Variants in FAIM observed in about 807,000 individuals in gnomAD.
FAIM encodes Fas apoptotic inhibitory molecule, also known as fas apoptotic inhibitory molecule 1.
FAIM carries 14 observed loss-of-function variants against 21.2 expected under a neutral mutation model. The observed-to-expected ratio is 0.66, with a 90% CI of 0.44 to 1.03. The LOEUF (loss-of-function observed/expected upper bound fraction) is 1.03, where lower values mean the gene tolerates loss of function less well. FAIM is among the 50% of genes least tolerant of loss of function. FAIM has a pLI of 0.00. For synonymous variants in FAIM, 86 were observed against 80.4 expected, an observed-to-expected ratio of 1.07 and a Z score of -0.37; for missense variants, 222 against 247.1, an observed-to-expected ratio of 0.90 and a Z score of 0.68.
At chr3:138,620,322 TG>T (rs2042870671) in intron 2 of FAIM, among the ~76,000 whole-genome samples, 1 of 152,192 alleles carries the variant, frequency 6.6e-6, no homozygotes, top group African/African-American at 2.4e-5. Context: ...ACTTAATAGC[TG>T]TTAGCTATGA....
At chr3:138,611,380 T>G (rs2042767098) in intron 1 of FAIM, among the ~76,000 whole-genome samples, 1 of 152,164 alleles carries the variant, frequency 6.6e-6, no homozygotes. Context: ...CTTTTTGAAG[T>G]GGTAAAATAT....
At chr3:138,609,301 C>G (rs1252876004) in intron 1 of FAIM, among the ~76,000 whole-genome samples, 1 of 151,624 alleles carries the variant, frequency 6.6e-6, no homozygotes. Context: ...CCTAGCGAGG[C>G]CCTGCCCCGC....
intron 1 of FAIM, among the ~76,000 whole-genome samples, chr3:138,617,483 G>C (rs2042837210): frequency 6.8e-6 from 1 of 146,672 alleles, no homozygotes. Context: ...CTGGGCAACA[G>C]AGTGAGACCC....
intron 1 of FAIM, among the ~76,000 whole-genome samples, chr3:138,613,241 G>T (rs982611730): frequency 1.3e-5 from 2 of 151,512 alleles, no homozygotes; most frequent in Non-Finnish European, 2.9e-5. Context: ...GCTGGTCTCG[G>T]ACTCCTGACC....
intron 4 of FAIM, among the ~76,000 whole-genome samples, chr3:138,624,474 C>G (rs1242048232): frequency 6.6e-6 from 1 of 152,134 alleles, no homozygotes; most frequent in Non-Finnish European, 1.5e-5. Flanking sequence ...TCTTCTTTAT[C>G]CATTTGCAAT....
At position 138,622,262 on chromosome 3, in the gene FAIM, A is replaced by G. The variant is rs2042895848; in HGVS notation, c.252A>G (p.Lys84=). Residue 84 remains lysine, a synonymous_variant, in exon 4 of 6, where the codon AAA becomes AAG. Coordinates refer to ENST00000360570, the MANE Select transcript of FAIM (RefSeq NM_001033031.2). ...ETFYVGAAKT[K]ATINIDAISG... is the part of the protein sequence containing the mutation. The stretch of plus-strand genomic sequence containing the variant: ...TCTATGTTGGAGCTGCAAAGACAAA[A>G]GCGACCATAAATATAGACGCTATCA... 1 of 1,613,758 alleles carries G rather than the reference A, an allele frequency of 6.2e-7. No individual in the cohort carries two copies. The highest frequency in any genetic ancestry group is 1.7e-5 in the Admixed American group (1 of 59,960).
intron 2 of FAIM, chr3:138,621,122 C>T (rs1398677873): frequency 1.2e-5 from 4 of 328,046 alleles, no homozygotes; most frequent in Non-Finnish European, 2.2e-5. Flanking sequence ...ACCTAGAATA[C>T]TGACCAGGAT....
chr3:138,609,578 ACT>A (rs1272715562), intron 1 of FAIM, among the ~76,000 whole-genome samples: 2 of 4,700 alleles, frequency 4.3e-4, no homozygotes, highest in Admixed American at 3.4e-3. Flanking sequence ...CTCTCTCTCG[ACT>A]CTCTCTCTCT....
chr3:138,616,484 G>T (rs1560494307), intron 1 of FAIM, among the ~76,000 whole-genome samples: 1 of 151,982 alleles, frequency 6.6e-6, no homozygotes, highest in Non-Finnish European at 1.5e-5. Flanking sequence ...AGAATCGAGC[G>T]ATCCTCCCTC....
chr3:138,620,311 C>G (rs1216272036), intron 2 of FAIM, among the ~76,000 whole-genome samples: 2 of 152,108 alleles, frequency 1.3e-5, no homozygotes, highest in Non-Finnish European at 2.9e-5. Context: ...ACATAGTTAT[C>G]ACTTAATAGC....
Position 138,621,407 on chromosome 3 carries a change from C to T in FAIM, c.45C>T (p.Ser15=). The change falls in exon 3 of 6, where the codon AGC becomes AGT. Residue 15 remains serine, a splice_region_variant and synonymous_variant. Coordinates refer to ENST00000360570, the MANE Select transcript of FAIM (RefSeq NM_001033031.2). ...TAATTGCTTTATTTTATTCCTTTAG[C>T]CCTCCTTACAGCCTAGAAAAAATGA... is the stretch of plus-strand genomic sequence containing the variant. The part of the protein sequence containing the change: ...DDSPIFEDDE[S]PPYSLEKMTD... 4.3e-6 allele frequency: 7 copies of T among 1,613,480 alleles called. No individual in the cohort carries two copies. The highest frequency in any genetic ancestry group is 2.2e-5 in the South Asian group (2 of 91,028).
chr3:138,614,352 A>T (rs2042802989), intron 1 of FAIM, among the ~76,000 whole-genome samples: 2 of 152,092 alleles, frequency 1.3e-5, no homozygotes, highest in African/African-American at 2.4e-5. Flanking sequence ...AGGTGGGAGG[A>T]TTGTTTGAGC....
intron 1 of FAIM, among the ~76,000 whole-genome samples, chr3:138,611,865 C>T (rs1423969428): frequency 6.6e-6 from 1 of 152,170 alleles, no homozygotes; most frequent in Non-Finnish European, 1.5e-5. Context: ...ATGCAGATGC[C>T]CAATCTTGAG....
rs140708934 is a variant in FAIM, at chr3:138,611,069, G to A, written c.-17+2132G>A. The A allele has an allele frequency of 1.5e-3, 2,216 of 1,500,236 alleles. 9 individuals are homozygous for A. The highest frequency in any genetic ancestry group is 0.011 in the African/African-American group (768 of 72,616). 92.9% of individuals were successfully genotyped at this position (1,500,236 alleles called of 1,614,324 possible). A position where few individuals can be genotyped will look rare whatever the true frequency, so the allele number is the denominator to read the frequency against. ...GCCCTGCCCAGAGCCTGGTACATAA[G>A]TACCCAATAACTATTGGTATGCTGG... On this transcript the variant is annotated intron_variant, in intron 1 of 5. Transcript: ENST00000360570.
intron 3 of FAIM, 26 bp from the exon 4 acceptor site, chr3:138,622,162 T>C (rs2042893839): frequency 2.0e-6 from 3 of 1,526,090 alleles, no homozygotes; most frequent in Non-Finnish European, 1.8e-6. Context: ...TCCATTTGTT[T>C]CATATTTTTC....
chr3:138,616,014 T>C (rs2108338398), intron 1 of FAIM, among the ~76,000 whole-genome samples: 1 of 152,350 alleles, frequency 6.6e-6, no homozygotes, highest in East Asian at 1.9e-4. Flanking sequence ...TTTTCTTTGC[T>C]CTGTGTGCAT....
chr3:138,632,378 T>A, intron 5 of FAIM, among the ~76,000 whole-genome samples: 1 of 152,100 alleles, frequency 6.6e-6, no homozygotes, highest in Non-Finnish European at 1.5e-5. Flanking sequence ...TTCAGACTAG[T>A]CAATTTGAAG....
intron 1 of FAIM, among the ~76,000 whole-genome samples, chr3:138,618,029 C>T (rs746136045): frequency 4.7e-5 from 7 of 150,258 alleles, no homozygotes; most frequent in Admixed American, 2.0e-4. Flanking sequence ...GGCTGGAGTG[C>T]GGTGGCATGA....
intron 1 of FAIM, among the ~76,000 whole-genome samples, chr3:138,609,586 TCTCTCGA>T (rs2042741284): frequency 3.5e-5 from 1 of 28,260 alleles, no homozygotes; most frequent in Non-Finnish European, 6.7e-5. Context: ...CGACTCTCTC[TCTCTCGA>T]CTCTCTCTCT....
Sources: allele counts gnomAD v4.1 joint callset (sites outside exome capture counted in the v4.1 genomes callset), GRCh38; gene constraint gnomAD v4.1.1; transcripts MANE v1.5; gene names NCBI Gene and HGNC (gene_info 2026-07-23, HGNC 2026-07-21).